The following ANO3 variants were observed in gnomAD, a reference collection of about 807,000 sequenced individuals.
ANO3 encodes anoctamin-3.
A neutral mutation model predicts 144.8 loss-of-function variants in ANO3; 99 were observed. The ratio of observed to expected loss-of-function variants is 0.68; its 90% CI spans 0.58 to 0.81. ANO3 has a LOEUF of 0.81. Among genes scored for constraint, ANO3 ranks in the 30% least tolerant of loss-of-function variants. The pLI is 0.00. For missense variants in ANO3, 905 were observed against 1,202.2 expected (o/e 0.75, Z 3.66); for synonymous variants, 414 against 392.6 (o/e 1.05, Z -0.64).
At chr11:26,604,822 C>CA (rs1192269757) in intron 17 of ANO3, among the ~76,000 whole-genome samples, 6 of 152,122 alleles carry the variant, frequency 3.9e-5, no homozygotes, top group Non-Finnish European at 8.8e-5. Flanking sequence ...GGGGCTGAGA[C>CA]AACGAGGTTT....
chr11:26,323,721 C>T (rs990138759), intron 1 of ANO3, among the ~76,000 whole-genome samples: 9 of 152,106 alleles, frequency 5.9e-5, no homozygotes, highest in Non-Finnish European at 1.3e-4. Context: ...AACGATTTCT[C>T]TTCCATTAAA....
At chr11:26,317,092 T>C (rs1463834443) in intron 1 of ANO3, among the ~76,000 whole-genome samples, 2 of 151,798 alleles carry the variant, frequency 1.3e-5, no homozygotes, top group African/African-American at 2.4e-5. Context: ...GTTAGGAAAA[T>C]AAATTATAAG....
intron 1 of ANO3, among the ~76,000 whole-genome samples, chr11:26,388,869 A>G (rs1856803402): frequency 6.6e-6 from 1 of 152,040 alleles, no homozygotes; most frequent in African/African-American, 2.4e-5. Flanking sequence ...CACACCCTAA[A>G]TCCCTGTACA....
intron 1 of ANO3, among the ~76,000 whole-genome samples, chr11:26,390,599 A>G (rs1272706474): frequency 6.6e-6 from 1 of 152,182 alleles, no homozygotes; most frequent in Non-Finnish European, 1.5e-5. Context: ...GCCATTCATA[A>G]TCATTAATAA....
intron 3 of ANO3, among the ~76,000 whole-genome samples, chr11:26,451,727 G>T (rs1239450651): frequency 6.6e-6 from 1 of 152,204 alleles, no homozygotes; most frequent in Non-Finnish European, 1.5e-5. Context: ...GATTTGAAGA[G>T]AGCAGTGGTT....
chr11:26,362,993 G>T (rs1459483828), intron 1 of ANO3, among the ~76,000 whole-genome samples: 1 of 152,098 alleles, frequency 6.6e-6, no homozygotes, highest in Non-Finnish European at 1.5e-5. Flanking sequence ...CATATAACTG[G>T]ATATTTATCC....
intron 1 of ANO3, among the ~76,000 whole-genome samples, chr11:26,339,338 A>G (rs1855289606): frequency 6.6e-6 from 1 of 152,058 alleles, no homozygotes; most frequent in African/African-American, 2.4e-5. Flanking sequence ...TATTTTTAGT[A>G]GAGATGGGAT....
chr11:26,492,447 C>T (rs971924395), intron 4 of ANO3, among the ~76,000 whole-genome samples: 3 of 152,156 alleles, frequency 2.0e-5, no homozygotes, highest in African/African-American at 7.2e-5. Context: ...CATGATAACT[C>T]TCTGGGGCAG....
At chr11:26,548,187 G>A (rs35877182) in intron 12 of ANO3, among the ~76,000 whole-genome samples, 99,766 of 150,844 alleles carry the variant, frequency 0.66, 33,120 homozygotes, top group East Asian at 0.83. Context: ...CTTAAGATAT[G>A]GAATGGTAGT....
At chr11:26,267,408 T>C (rs542815128) in intron 1 of ANO3, among the ~76,000 whole-genome samples, 1 of 152,328 alleles carries the variant, frequency 6.6e-6, no homozygotes, top group South Asian at 2.1e-4. Context: ...AGTATTTCCT[T>C]CTATAGAGGA....
At chr11:26,482,691 A>C (rs1236567340) in intron 4 of ANO3, among the ~76,000 whole-genome samples, 1 of 152,136 alleles carries the variant, frequency 6.6e-6, no homozygotes. Flanking sequence ...AGCCTGGGCT[A>C]TTAGTGTATC....
intron 4 of ANO3, among the ~76,000 whole-genome samples, chr11:26,503,809 T>C (rs540257380): frequency 2.8e-4 from 42 of 152,302 alleles, no homozygotes; most frequent in Non-Finnish European, 3.2e-4. Context: ...ATCAGAGTAA[T>C]GGATAATAAT....
chr11:26,298,521 A>G (rs895859363), intron 1 of ANO3, among the ~76,000 whole-genome samples: 2 of 152,184 alleles, frequency 1.3e-5, no homozygotes, highest in African/African-American at 4.8e-5. Flanking sequence ...GGCCTTGTAG[A>G]GCTCGTTTTC....
At chr11:26,437,842 A>C (rs545445885) in intron 1 of ANO3, among the ~76,000 whole-genome samples, 512 of 11,454 alleles carry the variant, frequency 0.045, 8 homozygotes, top group Admixed American at 0.028. Context: ...TTATCACAAA[A>C]ATCCTAATAA....
intron 8 of ANO3, among the ~76,000 whole-genome samples, chr11:26,533,632 C>T (rs10767548): frequency 0.55 from 83,044 of 151,624 alleles, 23,481 homozygotes; most frequent in East Asian, 0.79. Context: ...GGTGGGAAAA[C>T]GCAAGGCAAG....
At chr11:26,600,269 CT>C (rs1851755676) in intron 17 of ANO3, among the ~76,000 whole-genome samples, 1 of 109,352 alleles carries the variant, frequency 9.1e-6, no homozygotes, top group Non-Finnish European at 2.1e-5. Flanking sequence ...CTCTCCTCTC[CT>C]CTCCCCTCCC....
In ANO3 at chr11:26,401,823, G is replaced by A. The variant is rs371614981; in HGVS notation, c.47-40095G>A. Among the ~76,000 whole-genome samples the A allele has an allele frequency of 3.0e-3, 453 of 152,116 alleles. 23 individuals carry two copies. The South Asian group carries it at 0.091, about 30-fold the overall frequency. On this transcript the variant is annotated intron_variant, in intron 1 of 26. Coordinates refer to ENST00000256737, the MANE Select transcript of ANO3 (RefSeq NM_031418.4). ...ACCCAGGAGACGGAGCTTTCATTGA[G>A]CCAAAATTGTGCCATAGTCTACCTC...
intron 14 of ANO3, among the ~76,000 whole-genome samples, chr11:26,593,903 T>TA (rs1367380358): frequency 2.6e-5 from 4 of 152,230 alleles, no homozygotes; most frequent in Non-Finnish European, 5.9e-5. Flanking sequence ...ATCTCTATTA[T>TA]AAAAAACCAA....
chr11:26,591,696 GA>G, intron 14 of ANO3, among the ~76,000 whole-genome samples: 1 of 152,214 alleles, frequency 6.6e-6, no homozygotes. Context: ...GGGGGTAAGA[GA>G]ACAGTAAAAA....
Sources: allele counts gnomAD v4.1 joint callset (sites outside exome capture counted in the v4.1 genomes callset), GRCh38; gene constraint gnomAD v4.1.1; transcripts MANE v1.5; gene names NCBI Gene and HGNC (gene_info 2026-07-23, HGNC 2026-07-21).